ZMYND11: variants seen among roughly 807,000 people sequenced by gnomAD.
The protein encoded by ZMYND11 is zinc finger MYND domain-containing protein 11.
ZMYND11 carries 9 observed loss-of-function variants against 84.9 expected under a neutral mutation model. The ratio of observed to expected loss-of-function variants is 0.11; its 90% CI spans 0.06 to 0.18. The LOEUF (loss-of-function observed/expected upper bound fraction) is 0.18. Ranked by LOEUF, ZMYND11 falls within the 10% of genes least tolerant of loss-of-function variation. ZMYND11 has a pLI of 1.00. For synonymous variants in ZMYND11, 250 were observed against 244.1 expected (o/e 1.02, Z -0.23); for missense variants, 409 against 761.0 (o/e 0.54, Z 5.44).
intron 1 of ZMYND11, among the ~76,000 whole-genome samples, chr10:136,470 A>G (rs1289975497): frequency 6.6e-6 from 1 of 151,992 alleles, no homozygotes; most frequent in Non-Finnish European, 1.5e-5. Context: ...TGTCATATGC[A>G]GTGTGCTCGA....
intron 1 of ZMYND11, among the ~76,000 whole-genome samples, chr10:153,272 A>C (rs1554757648): frequency 2.0e-5 from 3 of 152,248 alleles, no homozygotes; most frequent in African/African-American, 7.2e-5. Context: ...TAAATTTAGC[A>C]TGGACTAGTG....
intron 1 of ZMYND11, among the ~76,000 whole-genome samples, chr10:174,894 G>A (rs570440849): frequency 4.0e-5 from 6 of 149,190 alleles, no homozygotes; most frequent in African/African-American, 1.5e-4. Flanking sequence ...TCATACATTG[G>A]TCAGAACCCA....
chr10:162,990 G>A (rs1554762447), intron 1 of ZMYND11, among the ~76,000 whole-genome samples: 2 of 152,144 alleles, frequency 1.3e-5, no homozygotes, highest in African/African-American at 4.8e-5. Flanking sequence ...TCCTGGACAA[G>A]GCAAGATTGC....
intron 1 of ZMYND11, among the ~76,000 whole-genome samples, chr10:138,687 T>C (rs1295620538): frequency 5.9e-5 from 9 of 152,126 alleles, no homozygotes; most frequent in Non-Finnish European, 1.2e-4. Context: ...TTGGTAACTT[T>C]CTTGTCCTTC....
intron 1 of ZMYND11, among the ~76,000 whole-genome samples, chr10:145,212 ATGTATATATGTG>A (rs1237943284): frequency 1.1e-4 from 16 of 143,306 alleles, no homozygotes; most frequent in African/African-American, 3.7e-4. Context: ...GTGTATATAT[ATGTATATATGTG>A]TGTATATATA....
At chr10:160,914 A>T (rs1039487952) in intron 1 of ZMYND11, among the ~76,000 whole-genome samples, 1 of 143,664 alleles carries the variant, frequency 7.0e-6, no homozygotes. Flanking sequence ...TAGGAAATGT[A>T]TTCTTTAATA....
At chr10:211,230 T>G (rs1945162251) in intron 3 of ZMYND11, among the ~76,000 whole-genome samples, 1 of 151,812 alleles carries the variant, frequency 6.6e-6, no homozygotes, top group South Asian at 2.1e-4. Flanking sequence ...TATAGATATC[T>G]TTTTCTTAAA....
chr10:219,458 TTG>T (rs1174893889), intron 3 of ZMYND11, among the ~76,000 whole-genome samples: 2 of 152,212 alleles, frequency 1.3e-5, no homozygotes, highest in African/African-American at 2.4e-5. Context: ...CTGAAATATT[TTG>T]TCTTAACTTT....
chr10:183,569 TA>T (rs1235463858), intron 2 of ZMYND11, among the ~76,000 whole-genome samples: 3 of 152,236 alleles, frequency 2.0e-5, no homozygotes, highest in Non-Finnish European at 4.4e-5. Flanking sequence ...TATAAGGACA[TA>T]GCTTCCCATC....
chr10:144,450 A>T (rs1838232624), intron 1 of ZMYND11, among the ~76,000 whole-genome samples: 1 of 151,934 alleles, frequency 6.6e-6, no homozygotes, highest in Non-Finnish European at 1.5e-5. Context: ...TCGAACACCT[A>T]GGCTCAAGTG....
chr10:142,751 G>T (rs560062720), intron 1 of ZMYND11, among the ~76,000 whole-genome samples: 1 of 152,280 alleles, frequency 6.6e-6, no homozygotes, highest in East Asian at 1.9e-4. Context: ...GCTTATAAAA[G>T]CAGGAGGTAG....
intron 4 of ZMYND11, among the ~76,000 whole-genome samples, chr10:227,985 C>A (rs543100621): frequency 6.6e-6 from 1 of 152,116 alleles, no homozygotes; most frequent in Non-Finnish European, 1.5e-5. Context: ...ATTTTTAAGA[C>A]AACTTATAAT....
chr10:177,347 GC>G (rs1846881598), intron 1 of ZMYND11, among the ~76,000 whole-genome samples: 1 of 152,002 alleles, frequency 6.6e-6, no homozygotes. Flanking sequence ...TTCTACGTGG[GC>G]TCTTATAACT....
At chr10:149,694 G>A (rs1839852297) in intron 1 of ZMYND11, among the ~76,000 whole-genome samples, 1 of 151,996 alleles carries the variant, frequency 6.6e-6, no homozygotes, top group African/African-American at 2.4e-5. Context: ...AGTATAAATG[G>A]GCACTAATTT....
At chr10:137,658 T>C (rs1588348212) in intron 1 of ZMYND11, among the ~76,000 whole-genome samples, 1 of 152,274 alleles carries the variant, frequency 6.6e-6, no homozygotes, top group East Asian at 1.9e-4. Flanking sequence ...GGGTCATCTT[T>C]GTAGTTTTTC....
chr10:181,452 C>T (rs953098789), intron 2 of ZMYND11, among the ~76,000 whole-genome samples: 2 of 152,198 alleles, frequency 1.3e-5, no homozygotes, highest in Non-Finnish European at 1.5e-5. Flanking sequence ...AACCCTGTCT[C>T]TGCCAAAGAT....
chr10:154,846 T>C (rs1437501862), intron 1 of ZMYND11: 2 of 152,190 alleles, frequency 1.3e-5, no homozygotes, highest in African/African-American at 2.4e-5. Flanking sequence ...AAAATTTCTC[T>C]TATTTTCTCT....
intron 4 of ZMYND11, among the ~76,000 whole-genome samples, chr10:233,625 G>A (rs1315772628): frequency 6.6e-6 from 1 of 152,110 alleles, no homozygotes; most frequent in African/African-American, 2.4e-5. Flanking sequence ...GATGGGGTGG[G>A]CCCTACCCAG....
intron 3 of ZMYND11, among the ~76,000 whole-genome samples, chr10:214,673 T>C (rs946102425): frequency 6.6e-6 from 1 of 152,264 alleles, no homozygotes; most frequent in African/African-American, 2.4e-5. Context: ...TCAAGACTTT[T>C]TTCTTTTGAT....
Sources: gnomAD v4.1 joint callset for allele counts (sites outside exome capture counted in the v4.1 genomes callset) on GRCh38, gnomAD v4.1.1 for gene constraint, MANE v1.5 for transcripts, NCBI Gene and HGNC (gene_info 2026-07-23, HGNC 2026-07-21) for gene names.